Variants in GXYLT2 observed in about 807,000 individuals in gnomAD.
GXYLT2 encodes the protein glucoside xylosyltransferase 2.
GXYLT2 carries 53 observed loss-of-function variants against 45.8 expected under a neutral mutation model. That is an observed-to-expected ratio of 1.16 (90% confidence interval 0.93 to 1.46). The LOEUF (loss-of-function observed/expected upper bound fraction) is 1.46, where lower values mean the gene tolerates loss of function less well. Among genes scored for constraint, GXYLT2 ranks in the 40% most tolerant of loss-of-function variants. The probability of loss-of-function intolerance (pLI) is 0.00; values close to 1 mark genes in which losing one functional copy is unlikely to be tolerated. For missense variants in GXYLT2, 551 were observed against 544.4 expected, an observed-to-expected ratio of 1.01 and a Z score of -0.12; for synonymous variants, 219 against 214.2, an observed-to-expected ratio of 1.02 and a Z score of -0.19.
intron 1 of GXYLT2, among the ~76,000 whole-genome samples, chr3:72,890,860 T>C (rs1709169902): frequency 6.6e-6 from 1 of 152,032 alleles, no homozygotes; most frequent in South Asian, 2.1e-4. Flanking sequence ...GCCAACACCA[T>C]AGGAATACAG....
intron 3 of GXYLT2, among the ~76,000 whole-genome samples, chr3:72,943,053 A>G (rs895701180): frequency 6.6e-6 from 1 of 152,210 alleles, no homozygotes; most frequent in Non-Finnish European, 1.5e-5. Context: ...TGATCTCACA[A>G]TAAAAAATTT....
At chr3:72,924,121 G>A (rs900913803) in intron 3 of GXYLT2, among the ~76,000 whole-genome samples, 3 of 151,130 alleles carry the variant, frequency 2.0e-5, no homozygotes, top group Non-Finnish European at 2.9e-5. Context: ...AAAGTGAGAT[G>A]AGAATGAAGC....
chr3:72,968,388 A>T (rs1710911838), intron 6 of GXYLT2, among the ~76,000 whole-genome samples: 1 of 152,208 alleles, frequency 6.6e-6, no homozygotes, highest in Non-Finnish European at 1.5e-5. Flanking sequence ...CTAGCTAAAT[A>T]CGTTGCCTGG....
chr3:72,962,274 A>T (rs765520966), intron 5 of GXYLT2, among the ~76,000 whole-genome samples: 1 of 152,232 alleles, frequency 6.6e-6, no homozygotes, highest in South Asian at 2.1e-4. Flanking sequence ...TAGGAAGTTC[A>T]TGAGCCCTGA....
At chr3:72,959,744 C>T (rs1006160165) in intron 5 of GXYLT2, among the ~76,000 whole-genome samples, 13 of 149,682 alleles carry the variant, frequency 8.7e-5, no homozygotes, top group African/African-American at 3.0e-4. Flanking sequence ...AAGCAATTCT[C>T]CTATCTCAGC....
At chr3:72,913,532 T>A (rs1709676492) in intron 2 of GXYLT2, among the ~76,000 whole-genome samples, 1 of 151,604 alleles carries the variant, frequency 6.6e-6, no homozygotes, top group Non-Finnish European at 1.5e-5. Context: ...CCATCTCTAC[T>A]AAAAATACAA....
At chr3:72,920,249 C>T (rs1709807713) in intron 2 of GXYLT2, among the ~76,000 whole-genome samples, 1 of 152,138 alleles carries the variant, frequency 6.6e-6, no homozygotes, top group African/African-American at 2.4e-5. Context: ...ATTCTCCTGC[C>T]TCAGCCTCCT....
intron 3 of GXYLT2, among the ~76,000 whole-genome samples, chr3:72,946,339 C>T (rs1271770459): frequency 2.1e-5 from 3 of 143,868 alleles, no homozygotes; most frequent in African/African-American, 5.1e-5. Flanking sequence ...AGGGCCTTAT[C>T]ATCTTAATGA....
chr3:72,966,933 A>G (rs886857320), intron 5 of GXYLT2, among the ~76,000 whole-genome samples: 3 of 151,904 alleles, frequency 2.0e-5, no homozygotes, highest in Middle Eastern at 3.2e-3. Context: ...CCCAGCTGCT[A>G]ATTTTTAAAA....
intron 3 of GXYLT2, among the ~76,000 whole-genome samples, chr3:72,928,785 C>CAAA (rs10688804): frequency 3.6e-4 from 54 of 150,320 alleles, no homozygotes; most frequent in African/African-American, 1.3e-3. Context: ...GAAATAACTC[C>CAAA]AAAAAAAAAC....
chr3:72,888,257 G>C lies in GXYLT2; in HGVS notation c.24G>C (p.Ala8=). 1 of 993,436 alleles carries C rather than the reference G, an allele frequency of 1.0e-6. No homozygotes were observed. The highest frequency in any genetic ancestry group is 1.2e-6 in the Non-Finnish European group (1 of 838,026). The allele number at this position is 993,436 out of a possible 1,614,324, so 61.5% of individuals were successfully genotyped here. A position where few individuals can be genotyped will look rare whatever the true frequency, so the allele number is the denominator to read the frequency against. Residue 8 remains alanine (A), a synonymous_variant, in exon 1 of 7, where the codon GCG becomes GCC. Transcript: ENST00000389617. ...CCATGAAGCTCCGCAGCAAGGCGGCGGCGCTGCTCTTGCTCGCGCTGGCCG... is the reference window on the plus strand; with the variant it reads ...CCATGAAGCTCCGCAGCAAGGCGGCCGCGCTGCTCTTGCTCGCGCTGGCCG... MKLRSKA[A]ALLLLALAAL... is the part of the protein sequence containing the mutation.
intron 2 of GXYLT2, among the ~76,000 whole-genome samples, chr3:72,913,515 C>T (rs141076300): frequency 0.012 from 1,788 of 151,738 alleles, 39 homozygotes; most frequent in African/African-American, 0.041. Flanking sequence ...GCCAACGTGT[C>T]AAAACCCCAT....
intron 3 of GXYLT2, among the ~76,000 whole-genome samples, chr3:72,946,984 C>T (rs1319075233): frequency 6.6e-6 from 1 of 151,878 alleles, no homozygotes; most frequent in Non-Finnish European, 1.5e-5. Flanking sequence ...GTACCACACC[C>T]AGCTACTTTA....
intron 3 of GXYLT2, among the ~76,000 whole-genome samples, chr3:72,943,621 C>T (rs1229580448): frequency 6.6e-6 from 1 of 152,114 alleles, no homozygotes; most frequent in Non-Finnish European, 1.5e-5. Context: ...AAGTGATCCT[C>T]CTGCCTTGGC....
At chr3:72,915,360 G>GT (rs1230379067) in intron 2 of GXYLT2, among the ~76,000 whole-genome samples, 2 of 131,844 alleles carry the variant, frequency 1.5e-5, no homozygotes, top group African/African-American at 3.0e-5. Context: ...TTTTTGCGGG[G>GT]GGGGGGGGGA....
intron 1 of GXYLT2, among the ~76,000 whole-genome samples, chr3:72,904,558 C>T (rs1471421872): frequency 6.6e-6 from 1 of 151,812 alleles, no homozygotes; most frequent in African/African-American, 2.4e-5. Context: ...GCTTTTTGTA[C>T]TGTGCAGACC....
At chr3:72,939,801 C>T (rs1358700597) in intron 3 of GXYLT2, among the ~76,000 whole-genome samples, 1 of 151,938 alleles carries the variant, frequency 6.6e-6, no homozygotes, top group Non-Finnish European at 1.5e-5. Flanking sequence ...CTCACCTCAG[C>T]CTCCTGAGTA....
chr3:72,902,726 CCT>C (rs879393868), intron 1 of GXYLT2, among the ~76,000 whole-genome samples: 956 of 81,720 alleles, frequency 0.012, 6 homozygotes, highest in Non-Finnish European at 0.019. Flanking sequence ...GTGGCTCATG[CCT>C]GTACTTCCAG....
At chr3:72,936,595 G>A (rs753311719) in intron 3 of GXYLT2, among the ~76,000 whole-genome samples, 1 of 152,040 alleles carries the variant, frequency 6.6e-6, no homozygotes, top group Non-Finnish European at 1.5e-5. Flanking sequence ...AGCTGAGATC[G>A]CACCATTGCA....
Sources: allele counts gnomAD v4.1 joint callset (sites outside exome capture counted in the v4.1 genomes callset), GRCh38; gene constraint gnomAD v4.1.1; transcripts MANE v1.5; gene names NCBI Gene and HGNC (gene_info 2026-07-23, HGNC 2026-07-21).